COL26A1: variants seen among roughly 807,000 people sequenced by gnomAD.
The protein encoded by COL26A1 is collagen alpha-1(XXVI) chain.
A neutral mutation model predicts 59.3 loss-of-function variants in COL26A1; 41 were observed. The observed-to-expected ratio is 0.69, with a 90% CI of 0.54 to 0.90. The LOEUF (loss-of-function observed/expected upper bound fraction) is 0.90. Among genes scored for constraint, COL26A1 ranks in the 40% least tolerant of loss-of-function variants. The pLI, the probability that COL26A1 is intolerant of heterozygous loss-of-function variation, is 0.00. For synonymous variants in COL26A1, 266 were observed against 256.0 expected (o/e 1.04, Z -0.37); for missense variants, 612 against 602.3 (o/e 1.02, Z -0.17).
Position 101,415,930 on chromosome 7 carries a change from A to G in COL26A1, c.159-4047A>G, listed in dbSNP as rs1338687779. Among the ~76,000 whole-genome samples the G allele has an allele frequency of 1.9e-5, 2 of 104,972 alleles. 1 individual carries two copies. The highest frequency in any genetic ancestry group is 5.0e-5 in the Non-Finnish European group (2 of 40,130). 68.9% of individuals were successfully genotyped at this position (104,972 alleles called of 152,430 possible). ...TTATAGGCGTGAGCCACTGCACCCA[A>G]CCCCTTTCACGTATTTTTGAGTGTG... On this transcript the variant is annotated intron_variant, in intron 1 of 12. Transcript: ENST00000313669.
chr7:101,376,317 T>C lies in COL26A1; in HGVS notation c.158+13127T>C, dbSNP rs999646301. ...GTGAGACCCTGTCTCAAAAAAAGTCTCAAAAATATCCTCCCCAAAACAAAA... is the reference window on the plus strand; with the variant it reads ...GTGAGACCCTGTCTCAAAAAAAGTCCCAAAAATATCCTCCCCAAAACAAAA... On this transcript the variant is annotated intron_variant, in intron 1 of 12. Coordinates refer to ENST00000313669, the MANE Select transcript of COL26A1 (RefSeq NM_001278563.3). Among the ~76,000 whole-genome samples the C allele has an allele frequency of 2.4e-4, 36 of 151,872 alleles. 1 individual carries two copies. Among genetic ancestry groups the C allele is most frequent in the Non-Finnish European group, 1.0e-4 (7 of 67,962 alleles).
At chr7:101,493,118 G>A (rs1171307261) in intron 3 of COL26A1, among the ~76,000 whole-genome samples, 1 of 152,164 alleles carries the variant, frequency 6.6e-6, no homozygotes, top group Non-Finnish European at 1.5e-5. Flanking sequence ...ACTTTATTCA[G>A]GGACATTCAG....
chr7:101,547,308 C>G lies in COL26A1; in HGVS notation c.940+69C>G. ...CCAGGGCTGGCCTGAGCCATGGGGC[C>G]TTGAGGGGAGCTGGAGGTCGGCTGG... On this transcript the variant is annotated intron_variant, in intron 8 of 12. Coordinates refer to ENST00000313669, the MANE Select transcript of COL26A1 (RefSeq NM_001278563.3). 2.7e-6 allele frequency: 3 copies of G among 1,128,898 alleles called. No individual in the cohort carries two copies. The East Asian group carries it at 8.2e-5, about 31-fold the overall frequency. 69.9% of individuals were successfully genotyped at this position (1,128,898 alleles called of 1,614,324 possible). A position where few individuals can be genotyped will look rare whatever the true frequency, so the allele number is the denominator to read the frequency against.
chr7:101,526,126 G>A (rs1795243050), intron 3 of COL26A1, among the ~76,000 whole-genome samples: 1 of 151,508 alleles, frequency 6.6e-6, no homozygotes, highest in Non-Finnish European at 1.5e-5. Flanking sequence ...TCGGCTCACT[G>A]CAACCTCCGC....
At position 101,515,485 on chromosome 7, in the gene COL26A1, T is replaced by C. The variant is rs573369219; in HGVS notation, c.386-17597T>C. 2.0e-5 allele frequency among the ~76,000 whole-genome samples: 3 copies of C among 151,788 alleles called. No homozygotes were observed. The East Asian group carries it at 5.8e-4, about 30-fold the overall frequency. ...TTTTAGTAGAGACAGGGTTTTGCCATGTTGGCCAGGCTGGTCTGGAACTGC... is the reference window on the plus strand; with the variant it reads ...TTTTAGTAGAGACAGGGTTTTGCCACGTTGGCCAGGCTGGTCTGGAACTGC... On this transcript the variant is annotated intron_variant, in intron 3 of 12. Coordinates refer to ENST00000313669, the MANE Select transcript of COL26A1 (RefSeq NM_001278563.3).
intron 3 of COL26A1, among the ~76,000 whole-genome samples, chr7:101,464,474 G>A (rs541137054): frequency 3.3e-5 from 5 of 151,200 alleles, no homozygotes; most frequent in South Asian, 2.1e-4. Flanking sequence ...GTGCAATGGC[G>A]CGATCTCAGC....
intron 1 of COL26A1, chr7:101,389,032 C>T (rs73179265): frequency 0.12 from 32,845 of 270,412 alleles, 2,218 homozygotes; most frequent in Non-Finnish European, 0.15. Context: ...TTGAGGTGAC[C>T]GTTTTTCACC....
chr7:101,437,158 A>G (rs539317999), intron 2 of COL26A1, among the ~76,000 whole-genome samples: 70 of 152,296 alleles, frequency 4.6e-4, no homozygotes, highest in South Asian at 3.5e-3. Context: ...ATAATTACAT[A>G]CATGGGTGTA....
intron 1 of COL26A1, among the ~76,000 whole-genome samples, chr7:101,386,149 A>G (rs6944691): frequency 0.19 from 28,783 of 151,970 alleles, 2,895 homozygotes; most frequent in African/African-American, 0.26. Flanking sequence ...GGGAGAGAAA[A>G]GTTCTAGAGA....
chr7:101,515,350 G>C (rs1339624026), intron 3 of COL26A1, among the ~76,000 whole-genome samples: 1 of 151,952 alleles, frequency 6.6e-6, no homozygotes, highest in East Asian at 1.9e-4. Context: ...GCAGTGGCGC[G>C]ATCGGCTCGC....
chr7:101,469,825 G>A (rs987664690), intron 3 of COL26A1, among the ~76,000 whole-genome samples: 1 of 151,916 alleles, frequency 6.6e-6, no homozygotes, highest in Non-Finnish European at 1.5e-5. Context: ...TTGGTAATTC[G>A]CTAGAACCAC....
At chr7:101,501,357 C>T (rs903242459) in intron 3 of COL26A1, among the ~76,000 whole-genome samples, 9 of 151,912 alleles carry the variant, frequency 5.9e-5, no homozygotes, top group African/African-American at 2.2e-4. Flanking sequence ...CAGGCCTCTT[C>T]CAGCTCCCAT....
intron 1 of COL26A1, among the ~76,000 whole-genome samples, chr7:101,405,466 G>T (rs1024883411): frequency 2.0e-5 from 3 of 151,784 alleles, no homozygotes; most frequent in Admixed American, 6.6e-5. Flanking sequence ...CCCCAAATTG[G>T]ACTACAGACA....
chr7:101,400,351 C>CTTTTTTTTTTTTTTTTTTTTTTTTTT lies in COL26A1; in HGVS notation c.159-19625_159-19624insTTTTTTTTTTTTTTTTTTTTTTTTTT, dbSNP rs1387032420. ...GTCCACACTGCCTTTCTTTTTTTTCCTATTTTTTTTTTTTTTTTTTTTTTT... is the reference window on the plus strand; with the variant it reads ...GTCCACACTGCCTTTCTTTTTTTTCCTTTTTTTTTTTTTTTTTTTTTTTTTTTATTTTTTTTTTTTTTTTTTTTTTT... On this transcript the variant is annotated intron_variant, in intron 1 of 12. Transcript: ENST00000313669. Among the ~76,000 whole-genome samples, 4 of 123,352 alleles carry CTTTTTTTTTTTTTTTTTTTTTTTTTT rather than the reference C, an allele frequency of 3.2e-5. 2 individuals carry two copies. The highest frequency in any genetic ancestry group is 6.8e-5 in the Non-Finnish European group (4 of 59,072). 80.9% of individuals were successfully genotyped at this position (123,352 alleles called of 152,430 possible).
intron 1 of COL26A1, among the ~76,000 whole-genome samples, chr7:101,399,085 G>C (rs940627350): frequency 6.6e-6 from 1 of 152,056 alleles, no homozygotes. Flanking sequence ...GAGGAGGATT[G>C]CTTGAGCCCA....
In COL26A1 at chr7:101,496,976, G is replaced by A. The variant is rs140425239; in HGVS notation, c.386-36106G>A. 4.0e-3 allele frequency among the ~76,000 whole-genome samples: 611 copies of A among 152,246 alleles called. 12 individuals carry two copies. Among genetic ancestry groups the A allele is most frequent in the Admixed American group, 0.028 (435 of 15,290 alleles). On this transcript the variant is annotated intron_variant, in intron 3 of 12. Transcript: ENST00000313669. ...ATAAAGTCCAGGCCCAATGGCTCAC[G>A]CCTGTAATCCCAGCATTTTGGGAGG...
chr7:101,466,946 C>T (rs1405636730), intron 3 of COL26A1, among the ~76,000 whole-genome samples: 18 of 151,946 alleles, frequency 1.2e-4, no homozygotes, highest in Non-Finnish European at 2.4e-4. Context: ...CAGGAATCCC[C>T]GGTCTTGCTG....
chr7:101,514,555 G>A (rs550547895), intron 3 of COL26A1, among the ~76,000 whole-genome samples: 26 of 152,034 alleles, frequency 1.7e-4, no homozygotes, highest in Non-Finnish European at 2.5e-4. Flanking sequence ...GGGGCTGGCC[G>A]GAGAGCAGGG....
intron 3 of COL26A1, among the ~76,000 whole-genome samples, chr7:101,482,605 T>A (rs987416367): frequency 6.6e-6 from 1 of 152,200 alleles, no homozygotes; most frequent in African/African-American, 2.4e-5. Context: ...TTTTAGCAGG[T>A]TAGCCCAGCA....
Sources: allele counts gnomAD v4.1 joint callset (sites outside exome capture counted in the v4.1 genomes callset), GRCh38; gene constraint gnomAD v4.1.1; transcripts MANE v1.5; gene names NCBI Gene and HGNC (gene_info 2026-07-23, HGNC 2026-07-21).